Variants in TBC1D16 observed in about 807,000 individuals in gnomAD.
TBC1D16 encodes the protein TBC1 domain family member 16.
In TBC1D16, 58 loss-of-function variants were observed where a neutral mutation model predicts 74.7. The ratio of observed to expected loss-of-function variants is 0.78; its 90% confidence interval spans 0.63 to 0.97. The LOEUF (loss-of-function observed/expected upper bound fraction) is 0.97, where lower values mean the gene tolerates loss of function less well. Among genes scored for constraint, TBC1D16 ranks in the 50% least tolerant of loss-of-function variants. The pLI is 0.00. For missense variants in TBC1D16, 1,014 were observed against 1,079.5 expected, an observed-to-expected ratio of 0.94 and a Z score of 0.85; for synonymous variants, 493 against 474.7, an observed-to-expected ratio of 1.04 and a Z score of -0.50.
chr17:79,960,004 T>A (rs1357806894), intron 3 of TBC1D16, among the ~76,000 whole-genome samples: 1 of 151,194 alleles, frequency 6.6e-6, no homozygotes, highest in Non-Finnish European at 1.5e-5. Flanking sequence ...ACTGTTAAAA[T>A]GAAATACTAT....
chr17:80,012,950 G>A (rs998061174), intron 2 of TBC1D16, among the ~76,000 whole-genome samples: 11 of 152,158 alleles, frequency 7.2e-5, no homozygotes, highest in African/African-American at 2.4e-4. Context: ...GCCGAGAGTC[G>A]CTCAGCCTCT....
intron 4 of TBC1D16, 43 bp from the exon 5 acceptor site, chr17:79,951,640 T>C (rs778692435): frequency 7.5e-6 from 12 of 1,596,800 alleles, no homozygotes; most frequent in Middle Eastern, 1.8e-4. Flanking sequence ...CCGATGAATA[T>C]GTAAACACGG....
rs1212883682 is a variant in TBC1D16, at chr17:79,932,722, G to C, written c.*8137C>G. On this transcript the variant is annotated 3_prime_UTR_variant, in exon 12 of 12. Transcript: ENST00000310924. ...GGCCTTGGTGAAGGCTTCCCACTTTGGTGACTTGCATGTGCCCCTCTTTGT... is the reference window on the plus strand; with the variant it reads ...GGCCTTGGTGAAGGCTTCCCACTTTCGTGACTTGCATGTGCCCCTCTTTGT... 2.0e-5 allele frequency: 3 copies of C among 152,196 alleles called. No homozygotes were observed. The highest frequency in any genetic ancestry group is 4.4e-5 in the Non-Finnish European group (3 of 68,046). 9.4% of individuals were successfully genotyped at this position (152,196 alleles called of 1,614,324 possible).
intron 1 of TBC1D16, among the ~76,000 whole-genome samples, chr17:80,018,458 A>G (rs1344089198): frequency 6.7e-6 from 1 of 148,882 alleles, no homozygotes; most frequent in East Asian, 1.9e-4. Flanking sequence ...ATTTTTTTGT[A>G]TTTTTAGTAG....
chr17:79,948,723 T>A (rs2143633111), intron 8 of TBC1D16, 149 bp downstream of exon 8: 1 of 1,078,986 alleles, frequency 9.3e-7, no homozygotes, highest in African/African-American at 1.6e-5. Context: ...AGCTCATGAG[T>A]AGCGTATCCT....
rs142947486 is a variant in TBC1D16, at chr17:79,939,567, G to A, written c.*1292C>T. ...GATGGAGGATTTCAGGAGGGATTTG[G>A]TCTCCTCGCTCAAGGAGTGGCTTTC... On this transcript the variant is annotated 3_prime_UTR_variant, in exon 12 of 12. Transcript: ENST00000310924. 71 of 152,322 alleles carry A rather than the reference G, an allele frequency of 4.7e-4. No individual in the cohort carries two copies. Among genetic ancestry groups the A allele is most frequent in the Middle Eastern group, 3.4e-3 (1 of 294 alleles). The allele number at this position is 152,322 out of a possible 1,614,324, so 9.4% of individuals were successfully genotyped here.
chr17:79,962,175 TATC>T (rs2033643979), intron 3 of TBC1D16, among the ~76,000 whole-genome samples: 1 of 150,964 alleles, frequency 6.6e-6, no homozygotes, highest in African/African-American at 2.4e-5. Context: ...AAAAAATACT[TATC>T]ATCAAATTTA....
At chr17:80,021,056 C>T (rs1193464087) in intron 1 of TBC1D16, among the ~76,000 whole-genome samples, 2 of 150,080 alleles carry the variant, frequency 1.3e-5, no homozygotes, top group Non-Finnish European at 2.9e-5. Flanking sequence ...AGTTCGACAC[C>T]AGCCTGACCA....
chr17:80,010,866 G>A lies in TBC1D16; in HGVS notation c.182-109C>T. 2.8e-6 allele frequency: 2 copies of A among 719,646 alleles called. No individual in the cohort carries two copies. Among genetic ancestry groups the A allele is most frequent in the South Asian group, 3.3e-5 (1 of 30,422 alleles). 44.6% of individuals were successfully genotyped at this position (719,646 alleles called of 1,614,324 possible). A position where few individuals can be genotyped will look rare whatever the true frequency, so the allele number is the denominator to read the frequency against. ...AGAGGCCACTGCCCTTTAGTAAAGTGCCAGTCCGGCCTCAGATACAGCCTG... is the reference window on the plus strand; with the variant it reads ...AGAGGCCACTGCCCTTTAGTAAAGTACCAGTCCGGCCTCAGATACAGCCTG... On this transcript the variant is annotated intron_variant, in intron 2 of 11. Coordinates refer to ENST00000310924, the MANE Select transcript of TBC1D16 (RefSeq NM_019020.4). The surrounding 1 kb of genome is among the most constrained non-coding windows in gnomAD (Gnocchi z 8.8).
At position 80,010,765 on chromosome 17, in the gene TBC1D16, G is replaced by A; in HGVS notation, c.182-8C>T. The A allele has an allele frequency of 6.8e-7, 1 of 1,476,722 alleles. No individual in the cohort carries two copies. Among genetic ancestry groups the A allele is most frequent in the Non-Finnish European group, 9.0e-7 (1 of 1,114,828 alleles). The allele number at this position is 1,476,722 out of a possible 1,614,324, so 91.5% of individuals were successfully genotyped here. A position where few individuals can be genotyped will look rare whatever the true frequency, so the allele number is the denominator to read the frequency against. On this transcript the variant is annotated splice_polypyrimidine_tract_variant and splice_region_variant and intron_variant, in intron 2 of 11. Coordinates refer to ENST00000310924, the MANE Select transcript of TBC1D16 (RefSeq NM_019020.4). This position sits in a 1 kb window ranked among gnomAD's most constrained non-coding sequence, Gnocchi z 8.8. ...TGTACAAGCACAGGTAACCTGTGAGGAGCCAGGGGGATGGCACGTTAGAGG... is the reference window on the plus strand; with the variant it reads ...TGTACAAGCACAGGTAACCTGTGAGAAGCCAGGGGGATGGCACGTTAGAGG...
In TBC1D16 at chr17:79,940,916, C is replaced by T; in HGVS notation, c.2247G>A (p.Leu749=). 1 of 1,590,330 alleles carries T rather than the reference C, an allele frequency of 6.3e-7. No homozygotes were observed. The highest frequency in any genetic ancestry group is 8.6e-7 in the Non-Finnish European group (1 of 1,165,404). ...TCTTTGGGCCCTTCTTGCCTTCCCT[C>T]AGGGACTTGGGGGAAGGCATCTCCA... The part of the protein sequence containing the change: ...GTVEMPSPKS[L]REGKKGPKTP... The change falls in exon 12 of 12, where the codon CTG becomes CTA. Residue 749 remains leucine, a synonymous_variant. Transcript: ENST00000310924. The surrounding 1 kb of genome is among the most constrained non-coding windows in gnomAD (Gnocchi z 5.4).
At position 79,943,896 on chromosome 17, in the gene TBC1D16, C is replaced by T. The variant is rs892338257; in HGVS notation, c.1908+1012G>A. On this transcript the variant is annotated intron_variant, in intron 10 of 11. Transcript: ENST00000310924. ...CAATGAGGCACGATTTTTTTTAATT[C>T]GGGAGTGGTGGGAATGAAGCCTCTC... 5 of 1,406,470 alleles carry T rather than the reference C, an allele frequency of 3.6e-6. No homozygotes were observed. In the South Asian group the frequency reaches 6.1e-5, roughly 17 times the overall value. The allele number at this position is 1,406,470 out of a possible 1,614,324, so 87.1% of individuals were successfully genotyped here. A position where few individuals can be genotyped will look rare whatever the true frequency, so the allele number is the denominator to read the frequency against.
intron 3 of TBC1D16, among the ~76,000 whole-genome samples, chr17:80,002,682 G>A (rs902104648): frequency 3.3e-5 from 5 of 152,248 alleles, no homozygotes; most frequent in Non-Finnish European, 5.9e-5. Flanking sequence ...GACCTGTGCT[G>A]TCAGGCATGG....
chr17:80,010,407 G>A lies in TBC1D16; in HGVS notation c.532C>T (p.Gln178Ter). 1 of 1,611,568 alleles carries A rather than the reference G, an allele frequency of 6.2e-7. No homozygotes were observed. ...LGVDGAQPAS[Q>*]PACSPSGILS... ...ATCCCGGAGGGGCTGCAAGCAGGCT[G>A]CGAGGCTGGCTGGGCACCATCCACC... The change falls in exon 3 of 12, where the codon CAG becomes TAG. Residue 178 changes from glutamine (Q) to a stop codon, truncating the protein, a stop_gained. Transcript: ENST00000310924. LOFTEE classifies it high-confidence loss of function. This position sits in a 1 kb window ranked among gnomAD's most constrained non-coding sequence, Gnocchi z 8.8.
At position 79,952,671 on chromosome 17, in the gene TBC1D16, G is replaced by C. The variant is rs1403336529; in HGVS notation, c.927C>G (p.Leu309=). 6.3e-7 allele frequency: 1 copy of C among 1,598,528 alleles called. No individual in the cohort carries two copies. The highest frequency in any genetic ancestry group is 1.3e-5 in the African/African-American group (1 of 74,664). Residue 309 remains leucine (L), a synonymous_variant, in exon 4 of 12, where the codon CTC becomes CTG. Coordinates refer to ENST00000310924, the MANE Select transcript of TBC1D16 (RefSeq NM_019020.4). ...FRVDLGHMRS[L]RLFFSDEACT... ...ATGCTTCCTACCTGAAGAAAAGGCG[G>C]AGGGAGCGCATGTGGCCCAGGTCCA...
At chr17:79,977,258 A>G (rs2034369200) in intron 3 of TBC1D16, among the ~76,000 whole-genome samples, 1 of 152,200 alleles carries the variant, frequency 6.6e-6, no homozygotes, top group African/African-American at 2.4e-5. Context: ...GCCCCGCCCC[A>G]TCCCAGAGAC....
rs1009406986 is a variant in TBC1D16, at chr17:80,025,777, C to G, written c.-63+10018G>C. 3 of 149,750 alleles carry G rather than the reference C, an allele frequency of 2.0e-5. No homozygotes were observed. The South Asian group carries it at 6.3e-4, about 31-fold the overall frequency. 9.3% of individuals were successfully genotyped at this position (149,750 alleles called of 1,614,324 possible). On this transcript the variant is annotated intron_variant, in intron 1 of 11. Transcript: ENST00000310924. ...AGACCCAGGGACCCTGGAAGGTTCA[C>G]CTGTCGGTGTCACACGGTTCCTTCT...
At position 79,981,309 on chromosome 17, in the gene TBC1D16, T is replaced by A. The variant is rs966420940; in HGVS notation, c.780-28491A>T. On this transcript the variant is annotated intron_variant, in intron 3 of 11. Coordinates refer to ENST00000310924, the MANE Select transcript of TBC1D16 (RefSeq NM_019020.4). This position sits in a 1 kb window ranked among gnomAD's most constrained non-coding sequence, Gnocchi z 6.9. ...ACTGGGGCCCTGGCCGACAGAAAAT[T>A]CTTAGAGCAAAATGGCTGTTCACCA... Among the ~76,000 whole-genome samples, 6 of 152,072 alleles carry A rather than the reference T, an allele frequency of 3.9e-5. No homozygotes were observed. Among genetic ancestry groups the A allele is most frequent in the Admixed American group, 3.3e-4 (5 of 15,274 alleles).
At position 79,949,124 on chromosome 17, in the gene TBC1D16, G is replaced by C. The variant is rs1396020572; in HGVS notation, c.1407-118C>G. The C allele has an allele frequency of 7.2e-6, 10 of 1,396,962 alleles. No homozygotes were observed. In the Admixed American group the frequency reaches 1.9e-4, roughly 26 times the overall value. The allele number at this position is 1,396,962 out of a possible 1,614,324, so 86.5% of individuals were successfully genotyped here. A position where few individuals can be genotyped will look rare whatever the true frequency, so the allele number is the denominator to read the frequency against. ...ACCCCCGTTCCCTGGACGGGAGCTG[G>C]GCGGCTGCTGCCGGCTGCAGACCCT... On this transcript the variant is annotated intron_variant, in intron 7 of 11. Transcript: ENST00000310924.
Sources: allele counts gnomAD v4.1 joint callset (sites outside exome capture counted in the v4.1 genomes callset), GRCh38; gene constraint gnomAD v4.1.1; non-coding constraint Gnocchi (gnomAD v3.1); transcripts MANE v1.5; gene names NCBI Gene and HGNC (gene_info 2026-07-23, HGNC 2026-07-21).